The following PDE4D variants were observed in gnomAD, a reference collection of about 807,000 sequenced individuals.
The protein encoded by PDE4D is phosphodiesterase 4D.
Under a neutral mutation model 87.4 loss-of-function variants are expected in PDE4D, and 24 were observed. The observed-to-expected ratio is 0.27, with a 90% CI of 0.20 to 0.39. PDE4D has a LOEUF of 0.39. Among genes scored for constraint, PDE4D ranks in the 10% least tolerant of loss-of-function variants. The pLI is 1.00. For missense variants in PDE4D, 714 were observed against 1,041.0 expected, an observed-to-expected ratio of 0.69 and a Z score of 4.32; for synonymous variants, 384 against 383.2, an observed-to-expected ratio of 1.00 and a Z score of -0.02.
At chr5:59,305,221 G>T (rs1339021119) in intron 1 of PDE4D, among the ~76,000 whole-genome samples, 2 of 152,058 alleles carry the variant, frequency 1.3e-5, no homozygotes, top group African/African-American at 2.4e-5. Context: ...TTGTATTTCA[G>T]TGGTGTCAGT....
intron 2 of PDE4D, among the ~76,000 whole-genome samples, chr5:60,047,655 A>G (rs1311905567): frequency 6.6e-6 from 1 of 152,122 alleles, no homozygotes; most frequent in Non-Finnish European, 1.5e-5. Context: ...CAGGTTGTTC[A>G]GTTTCCATGT....
intron 1 of PDE4D, among the ~76,000 whole-genome samples, chr5:59,251,012 T>C (rs1044919309): frequency 1.3e-5 from 2 of 152,106 alleles, no homozygotes; most frequent in African/African-American, 2.4e-5. Context: ...CCTTTCACCA[T>C]ACACACAAAA....
intron 1 of PDE4D, among the ~76,000 whole-genome samples, chr5:59,442,164 A>T (rs2153636542): frequency 6.6e-6 from 1 of 152,342 alleles, no homozygotes; most frequent in Admixed American, 6.5e-5. Context: ...TTAATGAAAG[A>T]TAAGGCTTTG....
Position 59,365,468 on chromosome 5 carries a change from A to G in PDE4D, c.456-149500T>C, listed in dbSNP as rs576044758. On this transcript the variant is annotated intron_variant, in intron 1 of 14. Coordinates refer to ENST00000340635, the MANE Select transcript of PDE4D (RefSeq NM_001104631.2). The stretch of plus-strand genomic sequence containing the variant: ...CTGACAGAGTAAGACCCTATCTCTA[A>G]AAACAAACAAACAAACAAAAACAAG... Among the ~76,000 whole-genome samples the G allele has an allele frequency of 8.5e-5, 13 of 152,300 alleles. No individual in the cohort carries two copies. The South Asian group carries it at 2.7e-3, about 32-fold the overall frequency.
chr5:59,910,395 G>A (rs529939770), intron 3 of PDE4D, among the ~76,000 whole-genome samples: 7 of 152,172 alleles, frequency 4.6e-5, no homozygotes, highest in East Asian at 3.9e-4. Context: ...ATTGCACATC[G>A]TCTACTTTAA....
At chr5:59,600,191 A>G (rs895712484) in intron 1 of PDE4D, among the ~76,000 whole-genome samples, 27 of 152,352 alleles carry the variant, frequency 1.8e-4, no homozygotes, top group African/African-American at 5.3e-4. Flanking sequence ...GCTGAAGGCC[A>G]GGTCTCTCTT....
chr5:60,501,926 T>G (rs1750098740), intron 1 of PDE4D, among the ~76,000 whole-genome samples: 1 of 152,198 alleles, frequency 6.6e-6, no homozygotes, highest in Admixed American at 6.5e-5. Flanking sequence ...GAATAGATTG[T>G]GAAAATTTTC....
chr5:60,486,699 G>A (rs983046105), intron 1 of PDE4D, among the ~76,000 whole-genome samples: 1 of 152,166 alleles, frequency 6.6e-6, no homozygotes, highest in Admixed American at 6.5e-5. Context: ...ATAGGAATTG[G>A]CAAGTAATTG....
At chr5:59,241,694 A>C (rs1296313645) in intron 1 of PDE4D, among the ~76,000 whole-genome samples, 1 of 152,192 alleles carries the variant, frequency 6.6e-6, no homozygotes, top group African/African-American at 2.4e-5. Flanking sequence ...TAGTTTAACT[A>C]AATTTGACTT....
chr5:59,004,294 T>C (rs761890839), intron 6 of PDE4D, among the ~76,000 whole-genome samples: 12 of 152,212 alleles, frequency 7.9e-5, no homozygotes, highest in Non-Finnish European at 1.5e-4. Context: ...GGGGAAGCTA[T>C]TTAAATTTCC....
At chr5:59,628,116 T>C (rs1221461919) in intron 1 of PDE4D, among the ~76,000 whole-genome samples, 1 of 152,208 alleles carries the variant, frequency 6.6e-6, no homozygotes, top group South Asian at 2.1e-4. Context: ...TTAATGGGAC[T>C]CTCAAGACAA....
chr5:59,543,463 G>T (rs952974065), intron 1 of PDE4D, among the ~76,000 whole-genome samples: 5 of 152,150 alleles, frequency 3.3e-5, no homozygotes, highest in African/African-American at 1.2e-4. Flanking sequence ...AACTCAGAAG[G>T]TCAGGGGGAA....
intron 1 of PDE4D, among the ~76,000 whole-genome samples, chr5:60,411,904 G>C (rs1479025326): frequency 6.6e-6 from 1 of 152,158 alleles, no homozygotes; most frequent in South Asian, 2.1e-4. Context: ...AAGGTGGCTA[G>C]ATAGGTGTTA....
intron 6 of PDE4D, among the ~76,000 whole-genome samples, chr5:59,027,145 T>C (rs939627363): frequency 1.3e-5 from 2 of 152,204 alleles, no homozygotes; most frequent in Non-Finnish European, 2.9e-5. Context: ...GGTCAAATAC[T>C]GGTCAAGTTT....
intron 3 of PDE4D, among the ~76,000 whole-genome samples, chr5:59,943,741 C>T (rs1182998754): frequency 6.6e-6 from 1 of 152,194 alleles, no homozygotes; most frequent in Non-Finnish European, 1.5e-5. Flanking sequence ...TGGTTCTGGA[C>T]TCTGACCCTT....
At chr5:59,878,937 C>T (rs990517392) in intron 1 of PDE4D, among the ~76,000 whole-genome samples, 1 of 125,138 alleles carries the variant, frequency 8.0e-6, no homozygotes, top group Admixed American at 9.8e-5. Context: ...CTCGCTCTGT[C>T]GCCCAGGCTG....
At chr5:59,660,136 T>C (rs1455712130) in intron 1 of PDE4D, among the ~76,000 whole-genome samples, 4 of 151,850 alleles carry the variant, frequency 2.6e-5, no homozygotes, top group African/African-American at 9.7e-5. Context: ...CTGCATTGAG[T>C]CAAGATAATA....
At chr5:59,641,275 T>C (rs907466582) in intron 1 of PDE4D, among the ~76,000 whole-genome samples, 1 of 152,208 alleles carries the variant, frequency 6.6e-6, no homozygotes, top group Admixed American at 6.5e-5. Flanking sequence ...GTAACTGAGA[T>C]AAAATAAACT....
chr5:59,392,918 A>C (rs1788536218), intron 1 of PDE4D, among the ~76,000 whole-genome samples: 1 of 152,200 alleles, frequency 6.6e-6, no homozygotes, highest in Non-Finnish European at 1.5e-5. Context: ...CTGCTGTCGA[A>C]GTCCTGGCAT....
Sources: gnomAD v4.1 joint callset for allele counts (sites outside exome capture counted in the v4.1 genomes callset) on GRCh38, gnomAD v4.1.1 for gene constraint, MANE v1.5 for transcripts, NCBI Gene and HGNC (gene_info 2026-07-23, HGNC 2026-07-21) for gene names.